The following RPRD2 variants were observed in gnomAD, a reference collection of about 807,000 sequenced individuals.
RPRD2 encodes regulation of nuclear pre-mRNA domain containing 2.
RPRD2 carries 12 observed loss-of-function variants against 104.4 expected under a neutral mutation model. That is an observed-to-expected ratio of 0.11 (90% CI 0.07 to 0.19). The LOEUF (loss-of-function observed/expected upper bound fraction) is 0.19. Ranked by LOEUF, RPRD2 falls within the 10% of genes least tolerant of loss-of-function variation. The pLI is 1.00. For missense variants in RPRD2, 1,543 were observed against 1,790.1 expected (o/e 0.86, Z 2.49); for synonymous variants, 714 against 684.9 (o/e 1.04, Z -0.66).
At chr1:150,401,626 A>G (rs1203611892) in intron 1 of RPRD2, among the ~76,000 whole-genome samples, 4 of 150,764 alleles carry the variant, frequency 2.7e-5, no homozygotes, top group Admixed American at 1.3e-4. Context: ...TACCCCTTTC[A>G]TAGTACTTTT....
At chr1:150,418,750 G>A (rs782156851) in intron 2 of RPRD2, among the ~76,000 whole-genome samples, 1 of 152,076 alleles carries the variant, frequency 6.6e-6, no homozygotes, top group Admixed American at 6.6e-5. Flanking sequence ...GGTGGCTCAC[G>A]CCTGTAATCC....
chr1:150,421,442 ATATGT>A (rs1553889597), intron 2 of RPRD2, among the ~76,000 whole-genome samples: 1 of 152,168 alleles, frequency 6.6e-6, no homozygotes, highest in Non-Finnish European at 1.5e-5. Flanking sequence ...TTATTTCCTA[ATATGT>A]TATTTATACT....
intron 10 of RPRD2, among the ~76,000 whole-genome samples, chr1:150,466,852 A>G (rs1446613281): frequency 1.3e-5 from 2 of 152,220 alleles, no homozygotes; most frequent in Non-Finnish European, 2.9e-5. Flanking sequence ...GAAATGAATT[A>G]CAAATACCAG....
rs10684924 is a variant in RPRD2, at chr1:150,408,158, ATT to A, written c.206-9416_206-9415del. ...ACATTTATTTTAAAATATTCATATGATTTTTTTTTTTTTTTTTTTTTTTGGAG... is the reference window on the plus strand; with the variant it reads ...ACATTTATTTTAAAATATTCATATGATTTTTTTTTTTTTTTTTTTTTGGAG... On this transcript the variant is annotated intron_variant, in intron 1 of 10. Coordinates refer to ENST00000369068, the MANE Select transcript of RPRD2 (RefSeq NM_015203.5). Among the ~76,000 whole-genome samples, 11 of 95,088 alleles carry A rather than the reference ATT, an allele frequency of 1.2e-4. No homozygotes were observed. The East Asian group carries it at 1.8e-3, about 16-fold the overall frequency. 62.4% of individuals were successfully genotyped at this position (95,088 alleles called of 152,430 possible). A position where few individuals can be genotyped will look rare whatever the true frequency, so the allele number is the denominator to read the frequency against.
chr1:150,367,283 C>T (rs1402735030), intron 1 of RPRD2, among the ~76,000 whole-genome samples: 1 of 152,064 alleles, frequency 6.6e-6, no homozygotes, highest in Non-Finnish European at 1.5e-5. Flanking sequence ...TGGTGTGGGG[C>T]GCAATGAAAA....
chr1:150,468,879 G>GAA (rs71578502), intron 10 of RPRD2, among the ~76,000 whole-genome samples: 57 of 142,330 alleles, frequency 4.0e-4, no homozygotes, highest in Non-Finnish European at 6.7e-4. Context: ...CCTGTCTCTT[G>GAA]AAAAAAAAAA....
At chr1:150,391,154 A>G (rs1662035302) in intron 1 of RPRD2, among the ~76,000 whole-genome samples, 2 of 152,202 alleles carry the variant, frequency 1.3e-5, no homozygotes, top group Non-Finnish European at 2.9e-5. Flanking sequence ...GCAAGAGGAC[A>G]TTGGAATAAA....
chr1:150,475,836 G>A lies in RPRD2; in HGVS notation c.*2502G>A, dbSNP rs1340828506. The A allele has an allele frequency of 1.3e-5, 2 of 152,148 alleles. No homozygotes were observed. The highest frequency in any genetic ancestry group is 4.8e-5 in the African/African-American group (2 of 41,410). The allele number at this position is 152,148 out of a possible 1,614,324, so 9.4% of individuals were successfully genotyped here. On this transcript the variant is annotated 3_prime_UTR_variant, in exon 11 of 11. Transcript: ENST00000369068. ...ACTCCGTGACCATGCTCTGACTTTT[G>A]TATTTCAACCTGAGTTTAAACAAAT...
At chr1:150,440,802 T>C (rs1666364221) in intron 2 of RPRD2, 121 bp from the exon 3 acceptor site, 2 of 639,496 alleles carry the variant, frequency 3.1e-6, no homozygotes, top group Non-Finnish European at 5.5e-6. Flanking sequence ...AAAAAAGGTT[T>C]TGAAATAAAC....
intron 10 of RPRD2, among the ~76,000 whole-genome samples, chr1:150,467,433 G>A (rs1363992277): frequency 1.3e-5 from 2 of 152,078 alleles, no homozygotes; most frequent in African/African-American, 4.8e-5. Flanking sequence ...GAGTGCAGTG[G>A]TGTGATCTCG....
chr1:150,406,285 G>A (rs1484980209), intron 1 of RPRD2, among the ~76,000 whole-genome samples: 1 of 152,142 alleles, frequency 6.6e-6, no homozygotes, highest in East Asian at 1.9e-4. Flanking sequence ...GAATCCACTA[G>A]GGGTCTTAGA....
intron 10 of RPRD2, among the ~76,000 whole-genome samples, chr1:150,468,765 T>C (rs1668436873): frequency 6.6e-6 from 1 of 152,046 alleles, no homozygotes; most frequent in Non-Finnish European, 1.5e-5. Flanking sequence ...TGGTCCCAGC[T>C]ACTCAGGAAG....
chr1:150,452,393 T>G, intron 7 of RPRD2, among the ~76,000 whole-genome samples: 1 of 152,194 alleles, frequency 6.6e-6, no homozygotes, highest in East Asian at 1.9e-4. Context: ...TCTGTTGTTT[T>G]AAGCCACTCA....
At chr1:150,441,341 A>G in intron 3 of RPRD2, 2 of 262,954 alleles carry the variant, frequency 7.6e-6, no homozygotes, top group Non-Finnish European at 1.4e-5. Flanking sequence ...GTTAATAAAT[A>G]CTGCCCTGTG....
At chr1:150,423,605 A>G (rs1553890088) in intron 2 of RPRD2, among the ~76,000 whole-genome samples, 1 of 152,112 alleles carries the variant, frequency 6.6e-6, no homozygotes, top group Admixed American at 6.6e-5. Flanking sequence ...TTTTGAGGAA[A>G]TAATGAGCTT....
At chr1:150,438,181 T>G (rs782539118) in intron 2 of RPRD2, among the ~76,000 whole-genome samples, 1 of 151,860 alleles carries the variant, frequency 6.6e-6, no homozygotes, top group Non-Finnish European at 1.5e-5. Context: ...TCCCAGCCAC[T>G]TGGGAAGCTG....
intron 1 of RPRD2, among the ~76,000 whole-genome samples, chr1:150,398,337 C>T (rs2102207702): frequency 6.6e-6 from 1 of 152,076 alleles, no homozygotes; most frequent in Admixed American, 6.6e-5. Flanking sequence ...GCTGGGACTA[C>T]AGGTGCCTGC....
chr1:150,379,549 T>C (rs1334700249), intron 1 of RPRD2, among the ~76,000 whole-genome samples: 3 of 151,916 alleles, frequency 2.0e-5, no homozygotes, highest in African/African-American at 4.8e-5. Context: ...ATTACAGGCA[T>C]GTGCCACCAT....
At position 150,453,034 on chromosome 1, in the gene RPRD2, C is replaced by CTT. The variant is rs11342600; in HGVS notation, c.871-4240_871-4239dup. Among the ~76,000 whole-genome samples, 7 of 132,986 alleles carry CTT rather than the reference C, an allele frequency of 5.3e-5. No homozygotes were observed. The East Asian group carries it at 8.7e-4, about 16-fold the overall frequency. The allele number at this position is 132,986 out of a possible 152,430, so 87.2% of individuals were successfully genotyped here. ...TGCTCCCTTGTCTTCAATATATTTACTTTTTTTTTTTTTTTGGAGACGGAG... is the reference window on the plus strand; with the variant it reads ...TGCTCCCTTGTCTTCAATATATTTACTTTTTTTTTTTTTTTTTGGAGACGGAG... On this transcript the variant is annotated intron_variant, in intron 7 of 10. Transcript: ENST00000369068.
Sources: allele counts gnomAD v4.1 joint callset (sites outside exome capture counted in the v4.1 genomes callset), GRCh38; gene constraint gnomAD v4.1.1; transcripts MANE v1.5; gene names NCBI Gene and HGNC (gene_info 2026-07-23, HGNC 2026-07-21).